Variants in FSTL5 observed in about 807,000 individuals in gnomAD.
FSTL5 encodes the protein follistatin like 5.
Under a neutral mutation model 89.1 loss-of-function variants are expected in FSTL5, and 62 were observed. The ratio of observed to expected loss-of-function variants is 0.70; its 90% CI spans 0.57 to 0.86. The LOEUF (loss-of-function observed/expected upper bound fraction) is 0.86, where lower values mean the gene tolerates loss of function less well. FSTL5 is among the 40% of genes least tolerant of loss of function. FSTL5 has a pLI of 0.00. For missense variants in FSTL5, 1,057 were observed against 1,001.6 expected (o/e 1.06, Z -0.75); for synonymous variants, 383 against 346.2 (o/e 1.11, Z -1.18).
chr4:161,851,791 T>G (rs916951239), intron 4 of FSTL5, among the ~76,000 whole-genome samples: 1 of 151,916 alleles, frequency 6.6e-6, no homozygotes, highest in African/African-American at 2.4e-5. Context: ...CTTTGGCTTC[T>G]CTTAAAGTTA....
chr4:162,123,648 A>G (rs1731956423), intron 1 of FSTL5, among the ~76,000 whole-genome samples: 1 of 152,196 alleles, frequency 6.6e-6, no homozygotes, highest in South Asian at 2.1e-4. Context: ...AAACCCTGCA[A>G]GAAAACTCTA....
At chr4:161,657,171 T>C (rs967447165) in intron 6 of FSTL5, among the ~76,000 whole-genome samples, 5 of 152,232 alleles carry the variant, frequency 3.3e-5, no homozygotes, top group Non-Finnish European at 5.9e-5. Flanking sequence ...CAACATTATT[T>C]GAAATCTGCA....
intron 6 of FSTL5, among the ~76,000 whole-genome samples, chr4:161,735,089 C>T (rs1473174512): frequency 6.6e-6 from 1 of 152,206 alleles, no homozygotes; most frequent in Non-Finnish European, 1.5e-5. Flanking sequence ...GGCTTCTAAC[C>T]TACGGGCTAT....
At chr4:162,154,645 T>C (rs1262028195) in intron 1 of FSTL5, among the ~76,000 whole-genome samples, 1 of 152,162 alleles carries the variant, frequency 6.6e-6, no homozygotes, top group African/African-American at 2.4e-5. Context: ...ACACAGCAGA[T>C]GACCAAACTC....
chr4:161,814,261 CAATT>C (rs1420519524), intron 4 of FSTL5, among the ~76,000 whole-genome samples: 1 of 152,176 alleles, frequency 6.6e-6, no homozygotes, highest in East Asian at 1.9e-4. Flanking sequence ...TCTCATTAAA[CAATT>C]AATCCTGAAG....
At chr4:162,104,716 T>C (rs927222430) in intron 2 of FSTL5, among the ~76,000 whole-genome samples, 2 of 152,030 alleles carry the variant, frequency 1.3e-5, no homozygotes, top group African/African-American at 4.8e-5. Flanking sequence ...GACCCAGGAG[T>C]CTTCTGTTTT....
intron 3 of FSTL5, among the ~76,000 whole-genome samples, chr4:162,002,663 C>A (rs1028801370): frequency 1.3e-5 from 2 of 152,162 alleles, no homozygotes; most frequent in African/African-American, 4.8e-5. Context: ...AACAATAGCT[C>A]CAATCTACTA....
chr4:161,936,677 T>C (rs1734441324), intron 3 of FSTL5, among the ~76,000 whole-genome samples: 1 of 152,086 alleles, frequency 6.6e-6, no homozygotes, highest in Non-Finnish European at 1.5e-5. Context: ...GTCAATAAAT[T>C]GCCAGATCCC....
chr4:161,429,649 G>A (rs1732284783), intron 15 of FSTL5, among the ~76,000 whole-genome samples: 1 of 152,222 alleles, frequency 6.6e-6, no homozygotes, highest in Non-Finnish European at 1.5e-5. Flanking sequence ...GTGTTACTGA[G>A]CTTGGGGTTC....
chr4:162,139,152 T>C (rs1317388266), intron 1 of FSTL5, among the ~76,000 whole-genome samples: 2 of 151,982 alleles, frequency 1.3e-5, no homozygotes, highest in African/African-American at 2.4e-5. Flanking sequence ...TGTGTAATGG[T>C]GAGGTCTGGG....
At chr4:161,489,444 G>A (rs1189973183) in intron 12 of FSTL5, among the ~76,000 whole-genome samples, 3 of 152,106 alleles carry the variant, frequency 2.0e-5, no homozygotes, top group Admixed American at 6.5e-5. Context: ...CAATATTAAA[G>A]CATTAAAGAA....
intron 4 of FSTL5, among the ~76,000 whole-genome samples, chr4:161,891,721 T>C (rs1454009020): frequency 6.6e-6 from 1 of 152,082 alleles, no homozygotes; most frequent in Non-Finnish European, 1.5e-5. Flanking sequence ...CATAGTACAC[T>C]CATGTCACAT....
At chr4:161,992,538 T>G (rs1736141319) in intron 3 of FSTL5, among the ~76,000 whole-genome samples, 1 of 151,368 alleles carries the variant, frequency 6.6e-6, no homozygotes. Flanking sequence ...GTGTGAGAGG[T>G]CTTTAGATAT....
At chr4:161,553,627 T>C (rs1420019032) in intron 8 of FSTL5, among the ~76,000 whole-genome samples, 1 of 151,382 alleles carries the variant, frequency 6.6e-6, no homozygotes, top group Non-Finnish European at 1.5e-5. Context: ...TTAGCTTAAA[T>C]TGTCTCATAT....
At chr4:161,935,383 G>T (rs17041768) in intron 3 of FSTL5, among the ~76,000 whole-genome samples, 2,873 of 152,126 alleles carry the variant, frequency 0.019, 91 homozygotes, top group African/African-American at 0.064. Context: ...GCTCAAAAAG[G>T]TCAAACACCT....
chr4:161,568,259 G>C (rs1281796175), intron 8 of FSTL5, among the ~76,000 whole-genome samples: 1 of 152,130 alleles, frequency 6.6e-6, no homozygotes, highest in Non-Finnish European at 1.5e-5. Context: ...AGGAAGAAGA[G>C]AGTGGTGTTC....
intron 3 of FSTL5, among the ~76,000 whole-genome samples, chr4:161,975,754 AAAAATAAAAT>A (rs201057312): frequency 0.026 from 3,506 of 134,912 alleles, 102 homozygotes; most frequent in African/African-American, 0.085. Flanking sequence ...AAAGTATAAT[AAAAATAAAAT>A]AAAATAAAAT....
At chr4:161,931,240 G>A (rs995340095) in intron 3 of FSTL5, among the ~76,000 whole-genome samples, 19 of 151,976 alleles carry the variant, frequency 1.3e-4, no homozygotes, top group Admixed American at 7.2e-4. Flanking sequence ...CACTGGGACC[G>A]TAGAAGCTGA....
At position 162,153,480 on chromosome 4, in the gene FSTL5, A is replaced by G. The variant is rs1227596888; in HGVS notation, c.-17+10135T>C. Reference sequence around the variant, plus strand: ...TATCTTACTACAGAGAGGGTAGGGCAGGTACTCTGTCTCTCTCATTGCTAC... The same window carrying G: ...TATCTTACTACAGAGAGGGTAGGGCGGGTACTCTGTCTCTCTCATTGCTAC... On this transcript the variant is annotated intron_variant, in intron 1 of 15. Coordinates refer to ENST00000306100, the MANE Select transcript of FSTL5 (RefSeq NM_020116.5). Among the ~76,000 whole-genome samples, 7 of 151,170 alleles carry G rather than the reference A, an allele frequency of 4.6e-5. No homozygotes were observed. The East Asian group carries it at 1.4e-3, about 29-fold the overall frequency.
Sources: allele counts gnomAD v4.1 joint callset (sites outside exome capture counted in the v4.1 genomes callset), GRCh38; gene constraint gnomAD v4.1.1; transcripts MANE v1.5; gene names NCBI Gene and HGNC (gene_info 2026-07-23, HGNC 2026-07-21).